PRKCA: variants seen among roughly 807,000 people sequenced by gnomAD.
PRKCA encodes protein kinase C alpha type.
A neutral mutation model predicts 87.0 loss-of-function variants in PRKCA; 27 were observed. That is an observed-to-expected ratio of 0.31 (90% CI 0.23 to 0.43). The LOEUF (loss-of-function observed/expected upper bound fraction) is 0.43. Ranked by LOEUF, PRKCA falls within the 20% of genes least tolerant of loss-of-function variation. The pLI, the probability that PRKCA is intolerant of heterozygous loss-of-function variation, is 1.00. For missense variants in PRKCA, 518 were observed against 852.3 expected, an observed-to-expected ratio of 0.61 and a Z score of 4.88; for synonymous variants, 329 against 311.1, an observed-to-expected ratio of 1.06 and a Z score of -0.61.
At chr17:66,781,960 C>G (rs1474837037) in intron 14 of PRKCA, among the ~76,000 whole-genome samples, 1 of 151,006 alleles carries the variant, frequency 6.6e-6, no homozygotes, top group Non-Finnish European at 1.5e-5. Context: ...GTTGCCCAGG[C>G]TGGAGTGCAG....
intron 13 of PRKCA, among the ~76,000 whole-genome samples, chr17:66,745,765 G>A (rs540676561): frequency 5.3e-5 from 8 of 152,262 alleles, no homozygotes; most frequent in African/African-American, 1.9e-4. Flanking sequence ...CATCAGATCT[G>A]TGTTTCAGAT....
intron 8 of PRKCA, 60 bp from the exon 9 acceptor site, chr17:66,732,628 T>C: frequency 4.4e-6 from 7 of 1,605,652 alleles, no homozygotes; most frequent in Non-Finnish European, 6.0e-6. Flanking sequence ...CACGGTGGTT[T>C]CTGTCACTCT....
chr17:66,554,254 C>A (rs11867685), intron 3 of PRKCA, among the ~76,000 whole-genome samples: 9 of 144,186 alleles, frequency 6.2e-5, no homozygotes, highest in African/African-American at 1.0e-4. Context: ...AAAAAAAAAA[C>A]GAGAGAAAAA....
chr17:66,306,982 A>C (rs1311834592), intron 2 of PRKCA, among the ~76,000 whole-genome samples: 2 of 152,160 alleles, frequency 1.3e-5, no homozygotes, highest in African/African-American at 4.8e-5. Context: ...TCTAGCCTGG[A>C]AAATATTATC....
intron 3 of PRKCA, among the ~76,000 whole-genome samples, chr17:66,554,238 T>TG (rs1200318256): frequency 8.9e-6 from 1 of 112,716 alleles, no homozygotes; most frequent in Non-Finnish European, 1.8e-5. Context: ...CCCGTCTCTA[T>TG]GAAAAAAAAA....
At chr17:66,458,320 G>C (rs1181591274) in intron 2 of PRKCA, among the ~76,000 whole-genome samples, 2 of 152,048 alleles carry the variant, frequency 1.3e-5, no homozygotes, top group African/African-American at 4.8e-5. Context: ...CTAAAACCTT[G>C]AAGTAAGGTA....
intron 2 of PRKCA, among the ~76,000 whole-genome samples, chr17:66,471,544 C>G (rs1162233428): frequency 2.6e-5 from 4 of 152,082 alleles, no homozygotes; most frequent in African/African-American, 9.7e-5. Flanking sequence ...AGCAGAACTG[C>G]ATTTTGCAGC....
At chr17:66,665,565 C>T (rs988394636) in intron 5 of PRKCA, among the ~76,000 whole-genome samples, 7 of 152,132 alleles carry the variant, frequency 4.6e-5, no homozygotes, top group Non-Finnish European at 7.3e-5. Context: ...AGCACTCACT[C>T]CTCCATGCCG....
At chr17:66,585,355 A>G (rs1170949675) in intron 3 of PRKCA, among the ~76,000 whole-genome samples, 1 of 152,188 alleles carries the variant, frequency 6.6e-6, no homozygotes, top group Non-Finnish European at 1.5e-5. Flanking sequence ...TCACCCGTGC[A>G]AGCTTCCAGC....
intron 16 of PRKCA, 39 bp downstream of exon 16, chr17:66,789,018 T>A: frequency 6.2e-7 from 1 of 1,612,514 alleles, no homozygotes; most frequent in Non-Finnish European, 8.5e-7. Flanking sequence ...GAACCCCATG[T>A]CCCCAAATTC....
intron 3 of PRKCA, among the ~76,000 whole-genome samples, chr17:66,579,548 T>G (rs186581412): frequency 3.9e-5 from 6 of 152,124 alleles, no homozygotes; most frequent in Non-Finnish European, 8.8e-5. Context: ...ACTGCACACA[T>G]GTGAAAACTG....
chr17:66,470,004 C>T (rs1357551699), intron 2 of PRKCA, among the ~76,000 whole-genome samples: 1 of 152,002 alleles, frequency 6.6e-6, no homozygotes, highest in African/African-American at 2.4e-5. Context: ...GGGGTAATTA[C>T]CCCCAATATG....
At chr17:66,550,086 TC>T (rs1358668242) in intron 3 of PRKCA, among the ~76,000 whole-genome samples, 1 of 152,174 alleles carries the variant, frequency 6.6e-6, no homozygotes, top group Non-Finnish European at 1.5e-5. Flanking sequence ...TTCATATACT[TC>T]CCAGTGTCTC....
At chr17:66,733,148 CA>C (rs34064109) in intron 9 of PRKCA, among the ~76,000 whole-genome samples, 50,633 of 99,480 alleles carry the variant, frequency 0.51, 8,415 homozygotes, top group Middle Eastern at 0.58. Flanking sequence ...GACTCCGTCT[CA>C]AAAAAAAAAA....
intron 2 of PRKCA, among the ~76,000 whole-genome samples, chr17:66,479,012 A>G (rs1211786875): frequency 1.3e-5 from 2 of 152,242 alleles, no homozygotes; most frequent in Admixed American, 1.3e-4. Flanking sequence ...GACAAAAGCA[A>G]AAATTGACAA....
intron 5 of PRKCA, 71 bp from the exon 6 acceptor site, chr17:66,687,040 A>G (rs1173440357): frequency 5.9e-6 from 8 of 1,346,658 alleles, no homozygotes; most frequent in Non-Finnish European, 2.0e-6. Flanking sequence ...TCAGCTTGGT[A>G]TTGACACAAG....
At chr17:66,395,608 G>A (rs1163113561) in intron 2 of PRKCA, among the ~76,000 whole-genome samples, 1 of 152,152 alleles carries the variant, frequency 6.6e-6, no homozygotes, top group East Asian at 1.9e-4. Context: ...GAAAAGTCCT[G>A]TTAACTAAGC....
At position 66,614,051 on chromosome 17, in the gene PRKCA, C is replaced by G. The variant is rs141855438; in HGVS notation, c.289-27304C>G. Among the ~76,000 whole-genome samples the G allele has an allele frequency of 6.8e-3, 1,038 of 152,074 alleles. 14 individuals carry two copies. Among genetic ancestry groups the G allele is most frequent in the African/African-American group, 0.021 (888 of 41,486 alleles). ...AGTGATCTGTGTGCCTTGGCCTCCC[C>G]GAGTGCTGGGATTACAGGCATGAGC... On this transcript the variant is annotated intron_variant, in intron 3 of 16. Coordinates refer to ENST00000413366, the MANE Select transcript of PRKCA (RefSeq NM_002737.3).
chr17:66,414,027 AAG>A (rs1911974788), intron 2 of PRKCA, among the ~76,000 whole-genome samples: 1 of 151,770 alleles, frequency 6.6e-6, no homozygotes, highest in South Asian at 2.1e-4. Context: ...AAAAAAAAAA[AAG>A]ATTAAATATG....
Sources: gnomAD v4.1 joint callset for allele counts (sites outside exome capture counted in the v4.1 genomes callset) on GRCh38, gnomAD v4.1.1 for gene constraint, MANE v1.5 for transcripts, NCBI Gene and HGNC (gene_info 2026-07-23, HGNC 2026-07-21) for gene names.